Variants in ZSWIM5 observed in about 807,000 individuals in gnomAD.
ZSWIM5 encodes the protein zinc finger SWIM domain-containing protein 5.
A neutral mutation model predicts 119.6 loss-of-function variants in ZSWIM5; 55 were observed. That is an observed-to-expected ratio of 0.46 (90% CI 0.37 to 0.58). ZSWIM5 has a LOEUF of 0.58. ZSWIM5 is among the 20% of genes least tolerant of loss of function. The probability of loss-of-function intolerance (pLI) is 0.00; values close to 1 mark genes in which losing one functional copy is unlikely to be tolerated. For synonymous variants in ZSWIM5, 537 were observed against 606.9 expected (o/e 0.88, Z 1.69); for missense variants, 1,193 against 1,512.8 (o/e 0.79, Z 3.51).
chr1:45,137,866 A>C (rs2149033008), intron 1 of ZSWIM5, among the ~76,000 whole-genome samples: 1 of 152,316 alleles, frequency 6.6e-6, no homozygotes, highest in African/African-American at 2.4e-5. Context: ...GCAGACTACT[A>C]TCATCCTGGC....
chr1:45,031,099 T>C (rs1300252581), intron 11 of ZSWIM5, among the ~76,000 whole-genome samples: 2 of 151,416 alleles, frequency 1.3e-5, no homozygotes, highest in Non-Finnish European at 1.5e-5. Flanking sequence ...TGCCCAGCCT[T>C]AATTGATCTT....
chr1:45,169,326 A>G (rs1645930234), intron 1 of ZSWIM5, among the ~76,000 whole-genome samples: 1 of 152,062 alleles, frequency 6.6e-6, no homozygotes, highest in Non-Finnish European at 1.5e-5. Flanking sequence ...AACATTTAGC[A>G]CAGAGATTGG....
intron 1 of ZSWIM5, among the ~76,000 whole-genome samples, chr1:45,154,214 C>T (rs1043155462): frequency 6.6e-5 from 10 of 151,918 alleles, no homozygotes; most frequent in African/African-American, 2.4e-4. Flanking sequence ...CATCAAAATA[C>T]CACCATCATT....
chr1:45,102,664 T>G (rs1290743282), intron 1 of ZSWIM5, among the ~76,000 whole-genome samples: 1 of 152,168 alleles, frequency 6.6e-6, no homozygotes, highest in Non-Finnish European at 1.5e-5. Flanking sequence ...ACTGAATCTT[T>G]TACATATTTA....
intron 1 of ZSWIM5, among the ~76,000 whole-genome samples, chr1:45,118,074 G>A (rs1008779359): frequency 3.9e-5 from 6 of 152,120 alleles, no homozygotes; most frequent in Non-Finnish European, 8.8e-5. Flanking sequence ...CTGCACTCCA[G>A]CCTGGGCAAC....
chr1:45,196,170 T>C (rs1162443098), intron 1 of ZSWIM5, among the ~76,000 whole-genome samples: 2 of 148,848 alleles, frequency 1.3e-5, no homozygotes, highest in Non-Finnish European at 3.0e-5. Flanking sequence ...CCACCAAGCC[T>C]GGCCAGGTGA....
chr1:45,044,723 CAAAAAAAAAAAAAAA>C, intron 5 of ZSWIM5, among the ~76,000 whole-genome samples: 1 of 4,400 alleles, frequency 2.3e-4, no homozygotes, highest in East Asian at 2.7e-3. Context: ...GACTCCGTCT[CAAAAAAAAAAAAAAA>C]AAAAAAAAAT....
At chr1:45,022,157 G>A (rs1644891751) in intron 11 of ZSWIM5, among the ~76,000 whole-genome samples, 1 of 148,898 alleles carries the variant, frequency 6.7e-6, no homozygotes, top group African/African-American at 2.5e-5. Flanking sequence ...TTGAGACGGA[G>A]TCTCGTGCTG....
intron 1 of ZSWIM5, among the ~76,000 whole-genome samples, chr1:45,156,827 T>C (rs1645829713): frequency 6.6e-6 from 1 of 151,644 alleles, no homozygotes; most frequent in Non-Finnish European, 1.5e-5. Flanking sequence ...AAAACTATTC[T>C]CTCTATTCAC....
intron 1 of ZSWIM5, among the ~76,000 whole-genome samples, chr1:45,183,785 A>T (rs1646038252): frequency 6.6e-6 from 1 of 152,226 alleles, no homozygotes; most frequent in Admixed American, 6.5e-5. Context: ...AGAGTCCAGG[A>T]CCAGATGGAT....
At chr1:45,186,611 T>TTATG (rs1465709846) in intron 1 of ZSWIM5, among the ~76,000 whole-genome samples, 1 of 151,982 alleles carries the variant, frequency 6.6e-6, no homozygotes, top group Middle Eastern at 3.2e-3. Flanking sequence ...ATTTATTTAT[T>TTATG]TATTTATTTT....
Position 45,088,350 on chromosome 1 carries a change from C to A in ZSWIM5, c.596-113G>T. 1 of 741,668 alleles carries A rather than the reference C, an allele frequency of 1.3e-6. No homozygotes were observed. The highest frequency in any genetic ancestry group is 2.1e-6 in the Non-Finnish European group (1 of 469,460). The allele number at this position is 741,668 out of a possible 1,614,324, so 45.9% of individuals were successfully genotyped here. A position where few individuals can be genotyped will look rare whatever the true frequency, so the allele number is the denominator to read the frequency against. On this transcript the variant is annotated intron_variant, in intron 1 of 13. Coordinates refer to ENST00000359600, the MANE Select transcript of ZSWIM5 (RefSeq NM_020883.2). The surrounding 1 kb of genome is among the most constrained non-coding windows in gnomAD (Gnocchi z 4.2). ...AATTATGTATTGGGTATCTCCTACA[C>A]ACGTACATGATAGGCTTTGCCACAG...
chr1:45,039,171 G>T lies in ZSWIM5; in HGVS notation c.1757-98C>A, dbSNP rs191321755. 5.3e-5 allele frequency: 75 copies of T among 1,418,686 alleles called. No individual in the cohort carries two copies. The East Asian group carries it at 1.7e-3, about 31-fold the overall frequency. 87.9% of individuals were successfully genotyped at this position (1,418,686 alleles called of 1,614,324 possible). A position where few individuals can be genotyped will look rare whatever the true frequency, so the allele number is the denominator to read the frequency against. On this transcript the variant is annotated intron_variant, in intron 7 of 13. Coordinates refer to ENST00000359600, the MANE Select transcript of ZSWIM5 (RefSeq NM_020883.2). ...TATCAGTCTCTCCAGCCTTGACCCT[G>T]AGAGTCAAATAAAAGCTTCTCTATT...
intron 3 of ZSWIM5, 31 bp downstream of exon 3, chr1:45,060,068 A>G: frequency 6.2e-7 from 1 of 1,612,874 alleles, no homozygotes; most frequent in Non-Finnish European, 8.5e-7. Flanking sequence ...TTTTGTCAAC[A>G]ACAAAAGAAA....
intron 1 of ZSWIM5, among the ~76,000 whole-genome samples, chr1:45,116,976 C>A (rs1179233211): frequency 6.6e-6 from 1 of 152,170 alleles, no homozygotes; most frequent in Non-Finnish European, 1.5e-5. Flanking sequence ...AAAGGTAACA[C>A]ACGTAGTCAA....
At chr1:45,187,015 A>T (rs1462491058) in intron 1 of ZSWIM5, among the ~76,000 whole-genome samples, 3 of 152,232 alleles carry the variant, frequency 2.0e-5, no homozygotes. Flanking sequence ...ACACTAATAG[A>T]GATGCCAAAA....
intron 1 of ZSWIM5, among the ~76,000 whole-genome samples, chr1:45,101,581 C>T (rs1484905083): frequency 6.6e-6 from 1 of 152,182 alleles, no homozygotes; most frequent in African/African-American, 2.4e-5. Context: ...ACTATAAAGA[C>T]ACATGCACAT....
intron 8 of ZSWIM5, among the ~76,000 whole-genome samples, chr1:45,038,456 G>T (rs1438260829): frequency 2.6e-5 from 4 of 151,934 alleles, no homozygotes; most frequent in Admixed American, 2.0e-4. Context: ...TCAGGACAAG[G>T]CCAGACCAAA....
At chr1:45,164,926 G>A (rs537526510) in intron 1 of ZSWIM5, among the ~76,000 whole-genome samples, 9 of 152,088 alleles carry the variant, frequency 5.9e-5, no homozygotes, top group African/African-American at 2.2e-4. Context: ...AAGTTAACAA[G>A]GTTACCCAGG....
Sources: allele counts gnomAD v4.1 joint callset (sites outside exome capture counted in the v4.1 genomes callset), GRCh38; gene constraint gnomAD v4.1.1; non-coding constraint Gnocchi (gnomAD v3.1); transcripts MANE v1.5; gene names NCBI Gene and HGNC (gene_info 2026-07-23, HGNC 2026-07-21).